Variants in SGIP1 observed in about 807,000 individuals in gnomAD.
SGIP1 encodes SH3-containing GRB2-like protein 3-interacting protein 1.
A neutral mutation model predicts 107.5 loss-of-function variants in SGIP1; 38 were observed. The observed-to-expected ratio is 0.35, with a 90% CI of 0.27 to 0.46. The LOEUF (loss-of-function observed/expected upper bound fraction) is 0.46. Ranked by LOEUF, SGIP1 falls within the 20% of genes least tolerant of loss-of-function variation. The probability of loss-of-function intolerance (pLI) is 1.00; values close to 1 mark genes in which losing one functional copy is unlikely to be tolerated. For missense variants in SGIP1, 929 were observed against 1,019.5 expected, an observed-to-expected ratio of 0.91 and a Z score of 1.21; for synonymous variants, 365 against 366.1, an observed-to-expected ratio of 1.00 and a Z score of 0.03.
chr1:66,682,166 T>C lies in SGIP1; in HGVS notation c.1112T>C (p.Leu371Pro), dbSNP rs112765681. 1 of 1,614,070 alleles carries C rather than the reference T, an allele frequency of 6.2e-7. No homozygotes were observed. ...PGPPGPPRNV[L>P]SPLNLEEVQK... The stretch of plus-strand genomic sequence containing the variant: ...CCTCCTGGGCCTCCTCGCAATGTAC[T>C]ATCGCCGCTCAATTTAGAAGAAGTC... The change falls in exon 15 of 25, where the codon CTA (leucine) becomes CCA (proline). Residue 371 changes from leucine to proline, a missense_variant. Leu to Pro is a moderately conservative substitution (Grantham distance 98). Transcript: ENST00000371037.
At chr1:66,613,475 G>A (rs939675606) in intron 1 of SGIP1, among the ~76,000 whole-genome samples, 3 of 152,088 alleles carry the variant, frequency 2.0e-5, no homozygotes, top group Non-Finnish European at 2.9e-5. Context: ...GGTTACAGGC[G>A]CATACCACTA....
intron 1 of SGIP1, among the ~76,000 whole-genome samples, chr1:66,571,582 T>C (rs1488062504): frequency 3.3e-5 from 5 of 152,032 alleles, no homozygotes; most frequent in African/African-American, 9.7e-5. Flanking sequence ...GGGTAATTTT[T>C]ATATTACTCT....
intron 1 of SGIP1, among the ~76,000 whole-genome samples, chr1:66,572,894 A>G (rs1261157442): frequency 6.6e-6 from 1 of 152,168 alleles, no homozygotes; most frequent in African/African-American, 2.4e-5. Flanking sequence ...AAGTACTGAT[A>G]CATATACATA....
At chr1:66,711,598 T>C (rs570512734) in intron 18 of SGIP1, among the ~76,000 whole-genome samples, 40 of 152,296 alleles carry the variant, frequency 2.6e-4, no homozygotes, top group Non-Finnish European at 3.7e-4. Context: ...TCGTCTGTCT[T>C]CTATGCACTC....
At chr1:66,614,106 A>G (rs2068645079) in intron 1 of SGIP1, among the ~76,000 whole-genome samples, 1 of 152,230 alleles carries the variant, frequency 6.6e-6, no homozygotes, top group Non-Finnish European at 1.5e-5. Context: ...AGGACCTAGG[A>G]TCTGAGAATC....
chr1:66,720,013 C>G (rs775812348), intron 19 of SGIP1, among the ~76,000 whole-genome samples: 7 of 152,226 alleles, frequency 4.6e-5, no homozygotes, highest in Admixed American at 2.6e-4. Context: ...TTTACATGAG[C>G]CTGATTTCAC....
intron 7 of SGIP1, among the ~76,000 whole-genome samples, chr1:66,653,130 C>T (rs1465861066): frequency 6.6e-6 from 1 of 152,194 alleles, no homozygotes; most frequent in Non-Finnish European, 1.5e-5. Context: ...CTAGAGTTAA[C>T]ACATGAGACG....
rs1319666693 is a variant in SGIP1, at chr1:66,673,300, A to G, written c.580A>G (p.Thr194Ala). 5 of 1,613,922 alleles carry G rather than the reference A, an allele frequency of 3.1e-6. No individual in the cohort carries two copies. The African/African-American group carries it at 6.7e-5, about 22-fold the overall frequency. The stretch of plus-strand genomic sequence containing the variant: ...ATTTAGCAAAAAGCCTCCAGATGAC[A>G]CTACGGCCCTTGCTCCTCTCTTTGG... Reference protein sequence around the residue: ...ELISKKPPDDTTALAPLFGPP... With the variant: ...ELISKKPPDDATALAPLFGPP... Residue 194 changes from threonine to alanine, a missense_variant, in exon 12 of 25, where the codon ACT (threonine) becomes GCT (alanine). By Grantham distance (58) the Thr-to-Ala change is moderately conservative (BLOSUM62 0). Coordinates refer to ENST00000371037, the MANE Select transcript of SGIP1 (RefSeq NM_032291.4).
chr1:66,739,944 T>C lies in SGIP1; in HGVS notation c.2234+407T>C, dbSNP rs572401. The stretch of plus-strand genomic sequence containing the variant: ...TTCTTGGCACCCACAAACTAGAGGC[T>C]AGAGTGGACTCCTGTTGTTAGAAGA... On this transcript the variant is annotated intron_variant, in intron 22 of 24. Transcript: ENST00000371037. Among the ~76,000 whole-genome samples, 833 of 152,308 alleles carry C rather than the reference T, an allele frequency of 5.5e-3. 3 individuals are homozygous for C. The highest frequency in any genetic ancestry group is 0.018 in the African/African-American group (759 of 41,568).
chr1:66,553,709 A>C (rs2057766240), intron 1 of SGIP1, among the ~76,000 whole-genome samples: 1 of 151,900 alleles, frequency 6.6e-6, no homozygotes, highest in South Asian at 2.1e-4. Context: ...AGGAAAGTGA[A>C]ATAATTTGAT....
rs574040055 is a variant in SGIP1, at chr1:66,748,988, C to A, written c.*5893C>A. On this transcript the variant is annotated 3_prime_UTR_variant, in exon 25 of 25. Transcript: ENST00000371037. Reference sequence around the variant, plus strand: ...CCTTCAATAATTGTAAATAAAATAACCAGGAATGCTTTGAAAAAAATGCTT... The same window carrying A: ...CCTTCAATAATTGTAAATAAAATAAACAGGAATGCTTTGAAAAAAATGCTT... Among the ~76,000 whole-genome samples the A allele has an allele frequency of 6.6e-6, 1 of 151,796 alleles. No individual in the cohort carries two copies. Among genetic ancestry groups the A allele is most frequent in the South Asian group, 2.1e-4 (1 of 4,822 alleles).
chr1:66,690,149 C>T (rs1329976942), intron 16 of SGIP1, 41 bp from the exon 17 acceptor site: 2 of 1,607,254 alleles, frequency 1.2e-6, no homozygotes. Context: ...AATACTGCAA[C>T]CTGTGTATCT....
chr1:66,637,844 CAT>C (rs1021325251), intron 4 of SGIP1, among the ~76,000 whole-genome samples: 1 of 147,468 alleles, frequency 6.8e-6, no homozygotes, highest in African/African-American at 2.5e-5. Context: ...TACATACACA[CAT>C]ATATACATAC....
chr1:66,564,857 C>A (rs537117753), intron 1 of SGIP1, among the ~76,000 whole-genome samples: 1 of 152,070 alleles, frequency 6.6e-6, no homozygotes, highest in African/African-American at 2.4e-5. Context: ...GAGTCCTCAA[C>A]TTCATGTCTG....
chr1:66,628,903 C>G (rs1358758087), intron 2 of SGIP1, among the ~76,000 whole-genome samples: 1 of 152,166 alleles, frequency 6.6e-6, no homozygotes, highest in Non-Finnish European at 1.5e-5. Context: ...ATAGCTGAAG[C>G]TGGTTCCACC....
At chr1:66,595,055 G>A (rs771358292) in intron 1 of SGIP1, among the ~76,000 whole-genome samples, 21 of 152,122 alleles carry the variant, frequency 1.4e-4, no homozygotes, top group Non-Finnish European at 2.6e-4. Context: ...ACACTACAGA[G>A]ACAAATTTTC....
intron 3 of SGIP1, among the ~76,000 whole-genome samples, chr1:66,634,552 T>G (rs976900245): frequency 2.0e-5 from 3 of 152,190 alleles, no homozygotes; most frequent in Admixed American, 1.3e-4. Context: ...AGGGCAGGGC[T>G]TCATGCCTGA....
chr1:66,736,508 G>A (rs1193445705), intron 21 of SGIP1, among the ~76,000 whole-genome samples: 1 of 518 alleles, frequency 1.9e-3, no homozygotes, highest in African/African-American at 3.8e-3. Flanking sequence ...AATATATTGC[G>A]TATTATATGT....
chr1:66,635,667 G>C (rs1435958784), intron 3 of SGIP1, among the ~76,000 whole-genome samples: 1 of 152,154 alleles, frequency 6.6e-6, no homozygotes, highest in Non-Finnish European at 1.5e-5. Context: ...ATGAGAAATA[G>C]ATCCACATGG....
Sources: allele counts gnomAD v4.1 joint callset (sites outside exome capture counted in the v4.1 genomes callset), GRCh38; gene constraint gnomAD v4.1.1; transcripts MANE v1.5; gene names NCBI Gene and HGNC (gene_info 2026-07-23, HGNC 2026-07-21).